The following PIWIL1 variants were observed in gnomAD, a reference collection of about 807,000 sequenced individuals.
PIWIL1 encodes the protein piwi-like protein 1.
In PIWIL1, 73 loss-of-function variants were observed where a neutral mutation model predicts 114.4. The ratio of observed to expected loss-of-function variants is 0.64; its 90% CI spans 0.53 to 0.78. The LOEUF (loss-of-function observed/expected upper bound fraction) is 0.78, where lower values mean the gene tolerates loss of function less well. PIWIL1 is among the 30% of genes least tolerant of loss of function. The pLI is 0.00. For missense variants in PIWIL1, 723 were observed against 1,063.1 expected (o/e 0.68, Z 4.45); for synonymous variants, 375 against 369.0 (o/e 1.02, Z -0.19).
At chr12:130,351,487 C>T (rs2073208625) in intron 9 of PIWIL1, 1 of 152,174 alleles carries the variant, frequency 6.6e-6, no homozygotes, top group Non-Finnish European at 1.5e-5. Flanking sequence ...ATTTGGATGA[C>T]TCAAAGATAC....
intron 18 of PIWIL1, among the ~76,000 whole-genome samples, chr12:130,366,896 C>T (rs967879035): frequency 6.6e-6 from 1 of 152,064 alleles, no homozygotes; most frequent in East Asian, 1.9e-4. Context: ...ATGGATAAAC[C>T]ATCTACATGA....
rs1347838694 is a variant in PIWIL1, at chr12:130,355,673, G to A, written c.1404+6G>A. On this transcript the variant is annotated splice_donor_region_variant and intron_variant, in intron 12 of 20. Transcript: ENST00000245255. ...TTCACCAAGGTGGAAAAACAGTAAG[G>A]CAGTTTTTCGTTGGTGTTGTTGTTG... The A allele has an allele frequency of 1.3e-6, 2 of 1,583,146 alleles. No homozygotes were observed. The highest frequency in any genetic ancestry group is 1.7e-6 in the Non-Finnish European group (2 of 1,151,720).
intron 7 of PIWIL1, 79 bp from the exon 8 acceptor site, chr12:130,349,160 A>G (rs2073149399): frequency 4.0e-6 from 4 of 998,914 alleles, no homozygotes; most frequent in Non-Finnish European, 4.6e-6. Flanking sequence ...CCAGTTAATA[A>G]AAGTGAAAAC....
chr12:130,407,871 A>G, the PIWIL1 span: 1 of 1,562,522 alleles, frequency 6.4e-7, no homozygotes, highest in East Asian at 2.2e-5. Flanking sequence ...TCATGAGGTT[A>G]TTTCAAACTT....
At chr12:130,339,040 G>A (rs938408934) in intron 1 of PIWIL1, among the ~76,000 whole-genome samples, 1 of 152,022 alleles carries the variant, frequency 6.6e-6, no homozygotes, top group Non-Finnish European at 1.5e-5. Flanking sequence ...TACCCACGCG[G>A]CCGCGGGGCG....
At chr12:130,407,705 A>G in the PIWIL1 span, 2 of 1,584,636 alleles carry the variant, frequency 1.3e-6, no homozygotes, top group Non-Finnish European at 1.7e-6. Flanking sequence ...TCCGTCATGA[A>G]GTGCAGTGTT....
At chr12:130,362,514 C>T (rs1022283172) in intron 16 of PIWIL1, among the ~76,000 whole-genome samples, 4 of 152,126 alleles carry the variant, frequency 2.6e-5, no homozygotes, top group African/African-American at 9.7e-5. Context: ...TCTGTTTTCT[C>T]CCCAGCAGCT....
At chr12:130,367,774 C>T (rs937109594) in intron 19 of PIWIL1, among the ~76,000 whole-genome samples, 13 of 152,140 alleles carry the variant, frequency 8.5e-5, no homozygotes, top group Non-Finnish European at 7.3e-5. Context: ...CTTAGTAGCA[C>T]GGGAGGATTC....
the PIWIL1 span, among the ~76,000 whole-genome samples, chr12:130,393,345 T>G: frequency 4.2e-4 from 61 of 145,860 alleles, no homozygotes; most frequent in African/African-American, 9.2e-4. Flanking sequence ...TCATCACGTG[T>G]GTCCGTCAGT....
At position 130,339,132 on chromosome 12, in the gene PIWIL1, T is replaced by C. The variant is rs1401220823; in HGVS notation, c.-13+986T>C. ...CCCGGGAGCCTTGGGAGCCGGACGTTGGGAAGAGGACGGAACTCCGGAGGA... is the reference window on the plus strand; with the variant it reads ...CCCGGGAGCCTTGGGAGCCGGACGTCGGGAAGAGGACGGAACTCCGGAGGA... On this transcript the variant is annotated intron_variant, in intron 1 of 20. Coordinates refer to ENST00000245255, the MANE Select transcript of PIWIL1 (RefSeq NM_004764.5). 2.6e-5 allele frequency among the ~76,000 whole-genome samples: 4 copies of C among 151,834 alleles called. No individual in the cohort carries two copies. The South Asian group carries it at 8.3e-4, about 31-fold the overall frequency.
chr12:130,382,689 C>T, the PIWIL1 span, among the ~76,000 whole-genome samples: 1 of 152,180 alleles, frequency 6.6e-6, no homozygotes, highest in Non-Finnish European at 1.5e-5. Flanking sequence ...TTCTGTAGTG[C>T]TGAGGCTAAT....
chr12:130,362,517 C>T (rs2073542531), intron 16 of PIWIL1, among the ~76,000 whole-genome samples: 1 of 152,168 alleles, frequency 6.6e-6, no homozygotes, highest in East Asian at 1.9e-4. Flanking sequence ...GTTTTCTCCC[C>T]AGCAGCTGGA....
the PIWIL1 span, among the ~76,000 whole-genome samples, chr12:130,408,469 T>C: frequency 6.6e-6 from 1 of 152,186 alleles, no homozygotes; most frequent in African/African-American, 2.4e-5. Context: ...TAGAGGTGCA[T>C]TCCCACGGCC....
the PIWIL1 span, among the ~76,000 whole-genome samples, chr12:130,394,278 G>A: frequency 7.2e-5 from 11 of 152,196 alleles, no homozygotes; most frequent in African/African-American, 2.4e-4. Flanking sequence ...TCTGTGATGA[G>A]AGGGGCTGCA....
chr12:130,369,455 C>G (rs1306887924), intron 19 of PIWIL1, among the ~76,000 whole-genome samples: 1 of 152,158 alleles, frequency 6.6e-6, no homozygotes, highest in Non-Finnish European at 1.5e-5. Context: ...GGTTCTAGAT[C>G]TTTGAGGAAT....
At chr12:130,359,574 A>T (rs1000701610) in intron 14 of PIWIL1, among the ~76,000 whole-genome samples, 1 of 152,076 alleles carries the variant, frequency 6.6e-6, no homozygotes, top group South Asian at 2.1e-4. Context: ...CATCTATTTT[A>T]TTGGGGCCCT....
downstream of PIWIL1, among the ~76,000 whole-genome samples, chr12:130,373,464 A>G (rs2136206512): frequency 6.6e-6 from 1 of 152,322 alleles, no homozygotes; most frequent in South Asian, 2.1e-4. Context: ...CCACTATATC[A>G]AGAAAGACTT....
At chr12:130,394,535 A>G in the PIWIL1 span, among the ~76,000 whole-genome samples, 16 of 152,322 alleles carry the variant, frequency 1.1e-4, no homozygotes, top group East Asian at 2.5e-3. Flanking sequence ...AGCTTCCAAT[A>G]TACCTGCAAA....
At chr12:130,406,116 A>C in the PIWIL1 span, 2 of 1,171,700 alleles carry the variant, frequency 1.7e-6, no homozygotes, top group Non-Finnish European at 2.5e-6. Context: ...CAAAACACAC[A>C]AAATAAATGA....
Sources: gnomAD v4.1 joint callset for allele counts (sites outside exome capture counted in the v4.1 genomes callset) on GRCh38, gnomAD v4.1.1 for gene constraint, MANE v1.5 for transcripts, NCBI Gene and HGNC (gene_info 2026-07-23, HGNC 2026-07-21) for gene names.